Variants in NRXN3 observed in about 807,000 individuals in gnomAD.
The protein encoded by NRXN3 is neurexin III.
Under a neutral mutation model 137.6 loss-of-function variants are expected in NRXN3, and 32 were observed. That is an observed-to-expected ratio of 0.23 (90% CI 0.18 to 0.31). NRXN3 has a LOEUF of 0.31. Among genes scored for constraint, NRXN3 ranks in the 10% least tolerant of loss-of-function variants. The probability of loss-of-function intolerance (pLI) is 1.00; values close to 1 mark genes in which losing one functional copy is unlikely to be tolerated. For synonymous variants in NRXN3, 798 were observed against 784.5 expected (o/e 1.02, Z -0.29); for missense variants, 1,574 against 2,062.5 (o/e 0.76, Z 4.59).
intron 11 of NRXN3, 30 bp from the exon 12 acceptor site, chr14:78,965,995 C>T: frequency 6.3e-7 from 1 of 1,596,156 alleles, no homozygotes; most frequent in Non-Finnish European, 8.6e-7. Flanking sequence ...GGTAACTTTT[C>T]TGTTTGTACC....
At chr14:78,488,933 G>A (rs1334331282) in intron 4 of NRXN3, among the ~76,000 whole-genome samples, 2 of 152,092 alleles carry the variant, frequency 1.3e-5, no homozygotes, top group Non-Finnish European at 2.9e-5. Flanking sequence ...AGAGAAATTA[G>A]TGTAGGTAGC....
intron 10 of NRXN3, among the ~76,000 whole-genome samples, chr14:78,953,035 T>TGTATATA (rs1292791796): frequency 6.6e-6 from 1 of 152,220 alleles, no homozygotes; most frequent in Non-Finnish European, 1.5e-5. Flanking sequence ...GGGTAACTTG[T>TGTATATA]AGTCTTGCTG....
At chr14:78,851,017 A>C (rs1403042275) in intron 10 of NRXN3, among the ~76,000 whole-genome samples, 1 of 152,144 alleles carries the variant, frequency 6.6e-6, no homozygotes, top group East Asian at 1.9e-4. Context: ...TTTGAGCTGA[A>C]TTATGCAGGA....
intron 4 of NRXN3, among the ~76,000 whole-genome samples, chr14:78,313,574 C>T (rs1483637157): frequency 6.6e-6 from 1 of 151,796 alleles, no homozygotes; most frequent in Non-Finnish European, 1.5e-5. Flanking sequence ...GGCAAGAAAA[C>T]AGAGGCCCAA....
At chr14:78,394,903 G>T (rs1332608771) in intron 4 of NRXN3, among the ~76,000 whole-genome samples, 1 of 151,504 alleles carries the variant, frequency 6.6e-6, no homozygotes, top group Non-Finnish European at 1.5e-5. Context: ...TATGTTCGGG[G>T]GCTGTAGTGA....
rs1434738596 is a variant in NRXN3, at chr14:79,308,925, A to T, written c.3263-158296A>T. On this transcript the variant is annotated intron_variant, in intron 15 of 20. Transcript: ENST00000335750. ...ATTTTATTTATTTATTTATTTATTTATTTTTTAATTTTTTTTTTATTATAC... is the reference window on the plus strand; with the variant it reads ...ATTTTATTTATTTATTTATTTATTTTTTTTTTAATTTTTTTTTTATTATAC... Among the ~76,000 whole-genome samples, 167 of 97,496 alleles carry T rather than the reference A, an allele frequency of 1.7e-3. 4 individuals are homozygous for T. In the South Asian group the frequency reaches 0.036, roughly 21 times the overall value. The allele number at this position is 97,496 out of a possible 152,430, so 64.0% of individuals were successfully genotyped here.
Position 78,204,275 on chromosome 14 carries a change from C to T in NRXN3, c.-704+33601C>T, listed in dbSNP as rs186420383. Among the ~76,000 whole-genome samples the T allele has an allele frequency of 6.2e-3, 945 of 151,320 alleles. 8 individuals carry two copies. Among genetic ancestry groups the T allele is most frequent in the South Asian group, 0.019 (93 of 4,798 alleles). On this transcript the variant is annotated intron_variant, in intron 1 of 20. Coordinates refer to ENST00000335750, the MANE Select transcript of NRXN3 (RefSeq NM_001330195.2). The stretch of plus-strand genomic sequence containing the variant: ...GTGACATTTTTTTTTTTGTTTTAAC[C>T]TTGGCCAGTTCTAAGAAAGAGCACG...
chr14:79,518,702 G>T (rs2097024223), intron 16 of NRXN3, among the ~76,000 whole-genome samples: 1 of 151,966 alleles, frequency 6.6e-6, no homozygotes, highest in African/African-American at 2.4e-5. Context: ...AATTTCTCTT[G>T]TTTAATTGCA....
At chr14:78,454,262 C>G (rs763727242) in intron 4 of NRXN3, among the ~76,000 whole-genome samples, 1 of 151,962 alleles carries the variant, frequency 6.6e-6, no homozygotes, top group Non-Finnish European at 1.5e-5. Flanking sequence ...ACCACTAGCT[C>G]TCAACCTTCA....
At chr14:79,449,183 A>G (rs1600466076) in intron 15 of NRXN3, among the ~76,000 whole-genome samples, 1 of 152,000 alleles carries the variant, frequency 6.6e-6, no homozygotes, top group South Asian at 2.1e-4. Flanking sequence ...ATGTCATAAG[A>G]CTCTAAAGAA....
intron 15 of NRXN3, among the ~76,000 whole-genome samples, chr14:79,400,825 G>T (rs936167071): frequency 6.6e-6 from 1 of 152,096 alleles, no homozygotes; most frequent in Non-Finnish European, 1.5e-5. Flanking sequence ...TGTGAATTGG[G>T]CATGAATTAT....
rs551763769 is a variant in NRXN3, at chr14:79,138,818, T to A, written c.3262+150677T>A. On this transcript the variant is annotated intron_variant, in intron 15 of 20. Coordinates refer to ENST00000335750, the MANE Select transcript of NRXN3 (RefSeq NM_001330195.2). ...TGTTGCAAAACAGCAATTCAAGAAT[T>A]CAATCTTAAAACATTGCCTATTTTT... Among the ~76,000 whole-genome samples the A allele has an allele frequency of 4.6e-5, 7 of 152,306 alleles. No homozygotes were observed. The South Asian group carries it at 1.2e-3, about 27-fold the overall frequency.
intron 4 of NRXN3, among the ~76,000 whole-genome samples, chr14:78,303,904 T>C (rs2077111097): frequency 6.6e-6 from 1 of 152,172 alleles, no homozygotes; most frequent in Non-Finnish European, 1.5e-5. Flanking sequence ...AAGACTTGTG[T>C]CTTTGCCCTC....
intron 4 of NRXN3, among the ~76,000 whole-genome samples, chr14:78,516,068 C>T (rs867454206): frequency 1.3e-5 from 2 of 152,062 alleles, no homozygotes; most frequent in Non-Finnish European, 1.5e-5. Flanking sequence ...GGCCCCACTC[C>T]ATGGTATTCA....
intron 15 of NRXN3, among the ~76,000 whole-genome samples, chr14:79,044,399 GAGTTAAAAGTTAGACCTTTAC>G (rs2099629704): frequency 6.6e-6 from 1 of 152,154 alleles, no homozygotes; most frequent in African/African-American, 2.4e-5. Flanking sequence ...AACCTGGGCC[GAGTTAAAAGTTAGACCTTTAC>G]AGTCTTAAGT....
At chr14:78,297,554 G>A (rs2076469026) in intron 3 of NRXN3, among the ~76,000 whole-genome samples, 1 of 152,178 alleles carries the variant, frequency 6.6e-6, no homozygotes, top group Admixed American at 6.5e-5. Context: ...AAGTTCTCGT[G>A]ATTAGGCCCA....
At chr14:79,177,804 G>A (rs1385089672) in intron 15 of NRXN3, among the ~76,000 whole-genome samples, 2 of 152,146 alleles carry the variant, frequency 1.3e-5, no homozygotes, top group East Asian at 1.9e-4. Context: ...GTTTGCTTTC[G>A]AGTTTGTGGA....
chr14:78,866,993 T>C (rs2099088695), intron 10 of NRXN3, among the ~76,000 whole-genome samples: 1 of 152,034 alleles, frequency 6.6e-6, no homozygotes, highest in African/African-American at 2.4e-5. Flanking sequence ...GAGATGGGGT[T>C]TCACCATGTT....
At chr14:78,210,607 C>T (rs1351231965) in intron 1 of NRXN3, among the ~76,000 whole-genome samples, 1 of 151,436 alleles carries the variant, frequency 6.6e-6, no homozygotes, top group Non-Finnish European at 1.5e-5. Flanking sequence ...TAACAAACAC[C>T]GTAGTCAAGA....
Sources: gnomAD v4.1 joint callset for allele counts (sites outside exome capture counted in the v4.1 genomes callset) on GRCh38, gnomAD v4.1.1 for gene constraint, MANE v1.5 for transcripts, NCBI Gene and HGNC (gene_info 2026-07-23, HGNC 2026-07-21) for gene names.